PCDH15: variants seen among roughly 807,000 people sequenced by gnomAD.
PCDH15 encodes the protein protocadherin related 15.
In PCDH15, 129 loss-of-function variants were observed where a neutral mutation model predicts 178.5. The observed-to-expected ratio is 0.72, with a 90% CI of 0.63 to 0.84. The LOEUF (loss-of-function observed/expected upper bound fraction) is 0.84, where lower values mean the gene tolerates loss of function less well. Ranked by LOEUF, PCDH15 falls within the 40% of genes least tolerant of loss-of-function variation. The pLI is 0.00. For synonymous variants in PCDH15, 800 were observed against 732.0 expected (o/e 1.09, Z -1.50); for missense variants, 2,230 against 2,099.9 (o/e 1.06, Z -1.21).
In PCDH15 at chr10:54,329,555, A is replaced by G. The variant is rs148374661; in HGVS notation, c.705+41T>C. On this transcript the variant is annotated intron_variant, in intron 7 of 37. Transcript: ENST00000644397. ...ACATTTTGGATGAGTTTTTTACTTC[A>G]TAAATTCACAGAAGAAATTTAAAAG... 14 of 1,438,056 alleles carry G rather than the reference A, an allele frequency of 9.7e-6. No homozygotes were observed. The Middle Eastern group carries it at 1.6e-3, about 162-fold the overall frequency. The allele number at this position is 1,438,056 out of a possible 1,614,324, so 89.1% of individuals were successfully genotyped here.
intron 27 of PCDH15, among the ~76,000 whole-genome samples, chr10:53,861,088 G>T (rs1198465965): frequency 1.3e-5 from 2 of 151,958 alleles, no homozygotes; most frequent in East Asian, 1.9e-4. Context: ...GTTTACATTT[G>T]GTCTTTGACA....
intron 1 of PCDH15, among the ~76,000 whole-genome samples, chr10:55,256,213 TC>T (rs1277930043): frequency 2.0e-5 from 3 of 152,222 alleles, no homozygotes; most frequent in Admixed American, 2.0e-4. Flanking sequence ...GGGAATCCTT[TC>T]CCCATTTCTT....
At chr10:54,858,890 T>C (rs1306171952) in intron 3 of PCDH15, among the ~76,000 whole-genome samples, 1 of 152,068 alleles carries the variant, frequency 6.6e-6, no homozygotes, top group Non-Finnish European at 1.5e-5. Flanking sequence ...AAGAATTTTA[T>C]ATACACTGAA....
chr10:53,924,635 G>A (rs1397030501), intron 25 of PCDH15, among the ~76,000 whole-genome samples: 2 of 152,232 alleles, frequency 1.3e-5, no homozygotes, highest in African/African-American at 4.8e-5. Flanking sequence ...GAAGCCAGCT[G>A]GGCTCCTGAG....
chr10:54,488,430 G>A (rs374221122), intron 3 of PCDH15, among the ~76,000 whole-genome samples: 3 of 150,996 alleles, frequency 2.0e-5, no homozygotes, highest in African/African-American at 7.3e-5. Context: ...ATGTCTTAAT[G>A]TTTGCCTTTT....
intron 2 of PCDH15, among the ~76,000 whole-genome samples, chr10:54,928,011 ATG>A (rs1386461753): frequency 6.6e-6 from 1 of 152,058 alleles, no homozygotes; most frequent in Non-Finnish European, 1.5e-5. Flanking sequence ...AGACTTGTTT[ATG>A]TGGTTGCTTT....
intron 3 of PCDH15, among the ~76,000 whole-genome samples, chr10:54,527,468 A>G (rs1342521135): frequency 2.0e-5 from 3 of 152,132 alleles, no homozygotes; most frequent in Non-Finnish European, 2.9e-5. Flanking sequence ...TTTGTGGACC[A>G]CTTCTTTGGA....
chr10:55,463,899 GAGAAAGAAAGAAAGAAAGAAAGAA>G lies in PCDH15; in HGVS notation c.-156+163702_-156+163725del, dbSNP rs71014491. Among the ~76,000 whole-genome samples the G allele has an allele frequency of 4.4e-4, 21 of 47,434 alleles. 1 individual carries two copies. Among genetic ancestry groups the G allele is most frequent in the Non-Finnish European group, 6.0e-4 (15 of 25,050 alleles). The allele number at this position is 47,434 out of a possible 152,430, so 31.1% of individuals were successfully genotyped here. ...AGAGAGAGAAAGAGAGGGAGAGAGAGAGAAAGAAAGAAAGAAAGAAAGAAAGAAAGAAAGAAAGAAAGAAAGAAA... is the reference window on the plus strand; with the variant it reads ...AGAGAGAGAAAGAGAGGGAGAGAGAGAGAAAGAAAGAAAGAAAGAAAGAAA... On this transcript the variant is annotated intron_variant, in intron 2 of 5. Transcript: ENST00000613346.
At chr10:55,527,135 G>A (rs1259432222) in intron 2 of PCDH15, among the ~76,000 whole-genome samples, 1 of 152,016 alleles carries the variant, frequency 6.6e-6, no homozygotes, top group Non-Finnish European at 1.5e-5. Flanking sequence ...GAAAGAATGG[G>A]TTAATTTTAT....
intron 10 of PCDH15, among the ~76,000 whole-genome samples, chr10:54,200,990 C>T (rs748737503): frequency 6.6e-5 from 10 of 152,152 alleles, no homozygotes; most frequent in Non-Finnish European, 1.3e-4. Flanking sequence ...AAGTATCTAA[C>T]AGACGTTTCA....
chr10:54,919,160 A>G (rs991050839), intron 2 of PCDH15, among the ~76,000 whole-genome samples: 11 of 152,260 alleles, frequency 7.2e-5, no homozygotes, highest in African/African-American at 1.9e-4. Flanking sequence ...TTACACATTC[A>G]TGTTCCTTGA....
intron 13 of PCDH15, among the ~76,000 whole-genome samples, chr10:54,163,266 T>C (rs898080795): frequency 2.6e-5 from 4 of 152,088 alleles, no homozygotes; most frequent in Non-Finnish European, 5.9e-5. Context: ...TAACTCAGAC[T>C]GGGTAATTTA....
At chr10:54,136,162 T>C (rs1409545330) in intron 14 of PCDH15, among the ~76,000 whole-genome samples, 1 of 152,152 alleles carries the variant, frequency 6.6e-6, no homozygotes, top group Non-Finnish European at 1.5e-5. Flanking sequence ...GGTGTTAGAA[T>C]TTGAGCATGT....
At chr10:54,292,432 C>T (rs889123866) in intron 8 of PCDH15, among the ~76,000 whole-genome samples, 11 of 152,170 alleles carry the variant, frequency 7.2e-5, no homozygotes, top group African/African-American at 2.7e-4. Context: ...TGTCCTCTCT[C>T]ACCACTCCTT....
intron 1 of PCDH15, among the ~76,000 whole-genome samples, chr10:55,243,225 G>A (rs1332664883): frequency 1.3e-5 from 2 of 152,086 alleles, no homozygotes; most frequent in African/African-American, 4.8e-5. Flanking sequence ...ATTGAACTCT[G>A]CACAGCTTCC....
chr10:54,052,137 C>T (rs2093789139), intron 18 of PCDH15, among the ~76,000 whole-genome samples: 1 of 152,180 alleles, frequency 6.6e-6, no homozygotes, highest in Admixed American at 6.5e-5. Flanking sequence ...TACGGTAGTG[C>T]AGAAAGGAAA....
At chr10:55,450,996 G>A (rs1024052959) in intron 2 of PCDH15, among the ~76,000 whole-genome samples, 102 of 128,552 alleles carry the variant, frequency 7.9e-4, no homozygotes, top group African/African-American at 3.3e-3. Context: ...GTATGATCCT[G>A]ACATACCATA....
intron 21 of PCDH15, among the ~76,000 whole-genome samples, chr10:53,970,088 C>T (rs1290611603): frequency 6.6e-6 from 1 of 152,068 alleles, no homozygotes; most frequent in Non-Finnish European, 1.5e-5. Context: ...AGTCAAGACC[C>T]ATCAGTGTGC....
intron 27 of PCDH15, among the ~76,000 whole-genome samples, chr10:53,857,963 T>G (rs933546397): frequency 6.6e-6 from 1 of 152,046 alleles, no homozygotes; most frequent in African/African-American, 2.4e-5. Flanking sequence ...TTTAACTCAT[T>G]GAAATCTATC....
Sources: allele counts gnomAD v4.1 joint callset (sites outside exome capture counted in the v4.1 genomes callset), GRCh38; gene constraint gnomAD v4.1.1; transcripts MANE v1.5; gene names NCBI Gene and HGNC (gene_info 2026-07-23, HGNC 2026-07-21).